Variants in SPTLC3 observed in about 807,000 individuals in gnomAD.
SPTLC3 encodes serine palmitoyltransferase 3.
In SPTLC3, 36 loss-of-function variants were observed where a neutral mutation model predicts 59.3. The ratio of observed to expected loss-of-function variants is 0.61; its 90% confidence interval spans 0.47 to 0.80. SPTLC3 has a LOEUF of 0.80. Ranked by LOEUF, SPTLC3 falls within the 30% of genes least tolerant of loss-of-function variation. SPTLC3 has a pLI of 0.00. For synonymous variants in SPTLC3, 257 were observed against 240.8 expected (o/e 1.07, Z -0.62); for missense variants, 625 against 685.1 (o/e 0.91, Z 0.98).
At chr20:13,140,444 C>A (rs879269015) in intron 9 of SPTLC3, among the ~76,000 whole-genome samples, 3 of 152,142 alleles carry the variant, frequency 2.0e-5, no homozygotes, top group Non-Finnish European at 4.4e-5. Flanking sequence ...GGTAACCAGG[C>A]ACGAGACTGA....
At position 13,097,384 on chromosome 20, in the gene SPTLC3, A is replaced by T. The variant is rs1054413468; in HGVS notation, c.826+3807A>T. On this transcript the variant is annotated intron_variant, in intron 6 of 11. Coordinates refer to ENST00000399002, the MANE Select transcript of SPTLC3 (RefSeq NM_018327.4). ...TTCTTACCATGCTGTTCCCCAGCTA[A>T]ACTGGTTTTTCTCAAAACATTTAGT... 5.9e-4 allele frequency among the ~76,000 whole-genome samples: 90 copies of T among 152,228 alleles called. 2 individuals carry two copies. Among genetic ancestry groups the T allele is most frequent in the Admixed American group, 5.8e-3 (88 of 15,276 alleles).
chr20:13,037,939 G>A (rs1986807199), intron 1 of SPTLC3, among the ~76,000 whole-genome samples: 1 of 151,834 alleles, frequency 6.6e-6, no homozygotes, highest in Non-Finnish European at 1.5e-5. Context: ...GACTGCCTCA[G>A]CCCAGAAGTG....
chr20:13,155,655 T>A (rs1442810277), intron 10 of SPTLC3, among the ~76,000 whole-genome samples: 1 of 151,942 alleles, frequency 6.6e-6, no homozygotes, highest in Non-Finnish European at 1.5e-5. Flanking sequence ...TGAAACCCCG[T>A]GTCTACAAAA....
chr20:13,118,226 T>A (rs1158789201), intron 8 of SPTLC3, among the ~76,000 whole-genome samples: 1 of 152,070 alleles, frequency 6.6e-6, no homozygotes, highest in Non-Finnish European at 1.5e-5. Flanking sequence ...CTACAAGTTG[T>A]GGGTTTTAAG....
intron 2 of SPTLC3, among the ~76,000 whole-genome samples, chr20:13,060,810 T>A (rs1270852689): frequency 3.2e-5 from 4 of 125,364 alleles, no homozygotes; most frequent in African/African-American, 5.9e-5. Context: ...TGAATGGTAT[T>A]CCATTGTGTG....
chr20:13,099,030 C>A (rs1181321187), intron 6 of SPTLC3, among the ~76,000 whole-genome samples: 1 of 152,136 alleles, frequency 6.6e-6, no homozygotes, highest in African/African-American at 2.4e-5. Flanking sequence ...GACGTCCATG[C>A]CCTCATCCCC....
intron 1 of SPTLC3, among the ~76,000 whole-genome samples, chr20:13,012,363 C>G (rs924943972): frequency 2.0e-5 from 3 of 152,142 alleles, no homozygotes; most frequent in Non-Finnish European, 4.4e-5. Flanking sequence ...TGAGCCCTAA[C>G]AGGTGGTTGC....
rs147736390 is a variant in SPTLC3, at chr20:13,028,224, G to T, written c.117+18840G>T. On this transcript the variant is annotated intron_variant, in intron 1 of 11. Transcript: ENST00000399002. ...GGCAGAACGGATATCAGATCTCAGAGAACCATGTTATATGATTTTTTTTAA... is the reference window on the plus strand; with the variant it reads ...GGCAGAACGGATATCAGATCTCAGATAACCATGTTATATGATTTTTTTTAA... Among the ~76,000 whole-genome samples the T allele has an allele frequency of 1.4e-4, 21 of 152,252 alleles. No homozygotes were observed. In the East Asian group the frequency reaches 3.9e-3, roughly 28 times the overall value.
intron 1 of SPTLC3, among the ~76,000 whole-genome samples, chr20:13,012,669 T>G (rs575361431): frequency 9.2e-5 from 14 of 152,302 alleles, no homozygotes; most frequent in Admixed American, 3.9e-4. Context: ...CTCCTGTACC[T>G]TCAAAACAGC....
chr20:13,162,347 T>G (rs2038910550), intron 11 of SPTLC3, among the ~76,000 whole-genome samples: 1 of 152,186 alleles, frequency 6.6e-6, no homozygotes, highest in South Asian at 2.1e-4. Context: ...TTCATGTATG[T>G]GATTCTCTTC....
Position 13,165,857 on chromosome 20 carries a change from T to C in SPTLC3, c.*990T>C, listed in dbSNP as rs767915632. 6.6e-6 allele frequency: 1 copy of C among 152,206 alleles called. No homozygotes were observed. The highest frequency in any genetic ancestry group is 2.1e-4 in the South Asian group (1 of 4,832). 9.4% of individuals were successfully genotyped at this position (152,206 alleles called of 1,614,324 possible). ...CTGACTTTTTCAAGACCAACACACT[T>C]GTTTAGGCCTATTAAATTGTACTAT... On this transcript the variant is annotated 3_prime_UTR_variant, in exon 12 of 12. Coordinates refer to ENST00000399002, the MANE Select transcript of SPTLC3 (RefSeq NM_018327.4).
chr20:13,019,921 G>A (rs1390541063), intron 1 of SPTLC3, among the ~76,000 whole-genome samples: 1 of 152,186 alleles, frequency 6.6e-6, no homozygotes, highest in Non-Finnish European at 1.5e-5. Flanking sequence ...TTGAGAAGCT[G>A]TTATATACTT....
chr20:13,088,784 A>ATTTTTTT (rs375680092), intron 4 of SPTLC3, among the ~76,000 whole-genome samples: 7 of 111,888 alleles, frequency 6.3e-5, no homozygotes, highest in African/African-American at 3.6e-5. Context: ...GCACCCGGCT[A>ATTTTTTT]TTTTTTTTTT....
chr20:13,045,131 C>A (rs1391324776), intron 1 of SPTLC3, among the ~76,000 whole-genome samples: 1 of 151,926 alleles, frequency 6.6e-6, no homozygotes, highest in Non-Finnish European at 1.5e-5. Context: ...AAAGAGCTAC[C>A]TATTGAACAG....
intron 10 of SPTLC3, 65 bp from the exon 11 acceptor site, chr20:13,159,938 T>C: frequency 6.9e-7 from 1 of 1,439,488 alleles, no homozygotes; most frequent in Non-Finnish European, 9.2e-7. Context: ...TCCTTTTTTG[T>C]CAGGATAATT....
At chr20:13,069,079 C>A (rs1297435704) in intron 2 of SPTLC3, among the ~76,000 whole-genome samples, 1 of 152,176 alleles carries the variant, frequency 6.6e-6, no homozygotes, top group East Asian at 1.9e-4. Context: ...AAGCCATGGG[C>A]TGTTTTTTCA....
chr20:13,037,492 A>G (rs1986786861), intron 1 of SPTLC3, among the ~76,000 whole-genome samples: 1 of 152,206 alleles, frequency 6.6e-6, no homozygotes, highest in African/African-American at 2.4e-5. Context: ...TCTCAGTGCT[A>G]TGCTCATGAA....
chr20:13,110,156 G>C lies in SPTLC3; in HGVS notation c.871G>C (p.Gly291Arg). ...GCTCCTGAGAGATGCTGTCATCTATGGCCAGCCTCGAACCCGCAGAGCTTG... is the reference window on the plus strand; with the variant it reads ...GCTCCTGAGAGATGCTGTCATCTATCGCCAGCCTCGAACCCGCAGAGCTTG... The part of the protein sequence containing the change: ...EKLLRDAVIY[G>R]QPRTRRAWKK... Residue 291 changes from glycine (G) to arginine (R), a missense_variant, in exon 7 of 12, where the codon GGC (glycine) becomes CGC (arginine). Transcript: ENST00000399002. 6.2e-7 allele frequency: 1 copy of C among 1,613,490 alleles called. No homozygotes were observed. The highest frequency in any genetic ancestry group is 8.5e-7 in the Non-Finnish European group (1 of 1,179,728).
At chr20:13,029,898 T>C (rs999942287) in intron 1 of SPTLC3, among the ~76,000 whole-genome samples, 1 of 152,156 alleles carries the variant, frequency 6.6e-6, no homozygotes, top group Admixed American at 6.6e-5. Flanking sequence ...CAAGTTTCTC[T>C]CTTTCTAGGT....
Sources: gnomAD v4.1 joint callset for allele counts (sites outside exome capture counted in the v4.1 genomes callset) on GRCh38, gnomAD v4.1.1 for gene constraint, MANE v1.5 for transcripts, NCBI Gene and HGNC (gene_info 2026-07-23, HGNC 2026-07-21) for gene names.